The following CTNND2 variants were observed in gnomAD, a reference collection of about 807,000 sequenced individuals.
CTNND2 encodes catenin delta-2.
A neutral mutation model predicts 144.4 loss-of-function variants in CTNND2; 22 were observed. That is an observed-to-expected ratio of 0.15 (90% confidence interval 0.11 to 0.22). The LOEUF is 0.22. Ranked by LOEUF, CTNND2 falls within the 10% of genes least tolerant of loss-of-function variation. The pLI is 1.00. For synonymous variants in CTNND2, 751 were observed against 695.6 expected (o/e 1.08, Z -1.25); for missense variants, 1,353 against 1,618.8 (o/e 0.84, Z 2.82).
intron 3 of CTNND2, among the ~76,000 whole-genome samples, chr5:11,464,154 T>C (rs1462139433): frequency 6.6e-6 from 1 of 152,226 alleles, no homozygotes; most frequent in Admixed American, 6.5e-5. Context: ...TAGTCCTCTT[T>C]AGGCATTGAG....
At chr5:11,336,277 G>A (rs751950860) in intron 9 of CTNND2, among the ~76,000 whole-genome samples, 1 of 152,174 alleles carries the variant, frequency 6.6e-6, no homozygotes, top group Non-Finnish European at 1.5e-5. Flanking sequence ...CTCTCCACTG[G>A]TTAACAGAAC....
intron 14 of CTNND2, among the ~76,000 whole-genome samples, chr5:11,106,345 C>T (rs534795474): frequency 6.6e-6 from 1 of 152,238 alleles, no homozygotes; most frequent in Non-Finnish European, 1.5e-5. Flanking sequence ...CATGGTATTC[C>T]TCTACCATGG....
chr5:11,796,916 T>C (rs1468238161), intron 1 of CTNND2, among the ~76,000 whole-genome samples: 2 of 152,212 alleles, frequency 1.3e-5, no homozygotes, highest in African/African-American at 4.8e-5. Flanking sequence ...TATCAAGGAA[T>C]AGTATGTAAC....
chr5:11,408,791 T>C (rs1581132409), intron 5 of CTNND2, among the ~76,000 whole-genome samples: 1 of 152,132 alleles, frequency 6.6e-6, no homozygotes, highest in Non-Finnish European at 1.5e-5. Context: ...AAAAAATTTC[T>C]TTCCATTTTC....
intron 1 of CTNND2, among the ~76,000 whole-genome samples, chr5:11,807,737 C>A (rs540770123): frequency 1.3e-5 from 2 of 152,268 alleles, no homozygotes; most frequent in Admixed American, 6.5e-5. Flanking sequence ...CTAAGACGCA[C>A]GGACAGAGGC....
intron 16 of CTNND2, among the ~76,000 whole-genome samples, chr5:11,060,769 C>G (rs1746872998): frequency 6.6e-6 from 1 of 152,184 alleles, no homozygotes; most frequent in Non-Finnish European, 1.5e-5. Flanking sequence ...ATCATCCACA[C>G]AAGGAAACAT....
intron 3 of CTNND2, among the ~76,000 whole-genome samples, chr5:11,442,822 A>C (rs1355279233): frequency 2.3e-5 from 3 of 132,096 alleles, no homozygotes; most frequent in Admixed American, 7.6e-5. Context: ...TATAATATAT[A>C]ATGATTATAT....
At chr5:11,232,442 C>A (rs1383308012) in intron 10 of CTNND2, among the ~76,000 whole-genome samples, 3 of 152,242 alleles carry the variant, frequency 2.0e-5, no homozygotes, top group Admixed American at 1.3e-4. Context: ...ATCAGCGTGA[C>A]CTGCGAGTGA....
Position 11,219,462 on chromosome 5 carries a change from A to T in CTNND2, c.1761+17229T>A, listed in dbSNP as rs893261097. On this transcript the variant is annotated intron_variant, in intron 10 of 21. Coordinates refer to ENST00000304623, the MANE Select transcript of CTNND2 (RefSeq NM_001332.4). ...ATTTAGGTTTTACTTATCAGTGGAC[A>T]AGTACTTCTATGATAGGCTGAGTAA... Among the ~76,000 whole-genome samples, 6 of 152,202 alleles carry T rather than the reference A, an allele frequency of 3.9e-5. 1 individual carries two copies. The highest frequency in any genetic ancestry group is 7.3e-5 in the Non-Finnish European group (5 of 68,030).
intron 1 of CTNND2, among the ~76,000 whole-genome samples, chr5:11,763,376 C>A (rs1261615626): frequency 6.6e-6 from 1 of 152,194 alleles, no homozygotes; most frequent in Non-Finnish European, 1.5e-5. Context: ...TTCTGCCCAA[C>A]TACCCAAGCC....
intron 3 of CTNND2, among the ~76,000 whole-genome samples, chr5:11,492,066 G>A (rs1769439751): frequency 1.3e-5 from 2 of 152,148 alleles, no homozygotes; most frequent in African/African-American, 2.4e-5. Flanking sequence ...AGTGTGAGAT[G>A]GAAACCGGGT....
intron 1 of CTNND2, among the ~76,000 whole-genome samples, chr5:11,797,404 A>C (rs1791460633): frequency 6.6e-6 from 1 of 152,192 alleles, no homozygotes; most frequent in African/African-American, 2.4e-5. Context: ...ATTTTCCCTC[A>C]TTTTGGATGT....
intron 2 of CTNND2, among the ~76,000 whole-genome samples, chr5:11,575,468 T>C (rs1298084054): frequency 6.6e-6 from 1 of 152,104 alleles, no homozygotes; most frequent in African/African-American, 2.4e-5. Context: ...TCACTCTACC[T>C]CTCTCTCCCC....
intron 11 of CTNND2, among the ~76,000 whole-genome samples, chr5:11,163,286 TC>T (rs1758977753): frequency 6.6e-6 from 1 of 152,308 alleles, no homozygotes; most frequent in South Asian, 2.1e-4. Flanking sequence ...ATCATGAGGA[TC>T]CTCAGGCAGC....
At chr5:11,198,303 G>T (rs1359358434) in intron 11 of CTNND2, among the ~76,000 whole-genome samples, 1 of 152,006 alleles carries the variant, frequency 6.6e-6, no homozygotes, top group African/African-American at 2.4e-5. Flanking sequence ...CCACAAAGAT[G>T]ATTTTCTAGT....
intron 1 of CTNND2, among the ~76,000 whole-genome samples, chr5:11,754,571 AT>A (rs1347389599): frequency 6.6e-6 from 1 of 151,604 alleles, no homozygotes; most frequent in African/African-American, 2.4e-5. Context: ...ATCTTCCTCT[AT>A]TATTGTGTGG....
intron 1 of CTNND2, among the ~76,000 whole-genome samples, chr5:11,868,487 C>T (rs995275415): frequency 1.3e-5 from 2 of 152,100 alleles, no homozygotes; most frequent in African/African-American, 4.8e-5. Flanking sequence ...TTAAAAGTAT[C>T]CAACTCAACA....
At chr5:11,840,783 T>C (rs1324852228) in intron 1 of CTNND2, among the ~76,000 whole-genome samples, 1 of 152,150 alleles carries the variant, frequency 6.6e-6, no homozygotes, top group Non-Finnish European at 1.5e-5. Context: ...ATACTGGTAA[T>C]TAATGTATTA....
intron 2 of CTNND2, among the ~76,000 whole-genome samples, chr5:11,628,785 A>AT (rs201512633): frequency 6.6e-6 from 1 of 152,166 alleles, no homozygotes; most frequent in Non-Finnish European, 1.5e-5. Flanking sequence ...AAAAAAAAAA[A>AT]GAGTGGTTAA....
Sources: allele counts gnomAD v4.1 joint callset (sites outside exome capture counted in the v4.1 genomes callset), GRCh38; gene constraint gnomAD v4.1.1; transcripts MANE v1.5; gene names NCBI Gene and HGNC (gene_info 2026-07-23, HGNC 2026-07-21).